PNPLA7: variants seen among roughly 807,000 people sequenced by gnomAD.
PNPLA7 encodes patatin-like phospholipase domain-containing protein 7.
Under a neutral mutation model 161.7 loss-of-function variants are expected in PNPLA7, and 153 were observed. The observed-to-expected ratio is 0.95, with a 90% confidence interval of 0.83 to 1.08. The LOEUF is 1.08. Among genes scored for constraint, PNPLA7 ranks in the 50% least tolerant of loss-of-function variants. The probability of loss-of-function intolerance (pLI) is 0.00; values close to 1 mark genes in which losing one functional copy is unlikely to be tolerated. For synonymous variants in PNPLA7, 809 were observed against 782.1 expected (o/e 1.03, Z -0.57); for missense variants, 1,739 against 1,856.6 (o/e 0.94, Z 1.16).
At chr9:137,482,889 T>C (rs1483543534) in intron 21 of PNPLA7, among the ~76,000 whole-genome samples, 1 of 152,278 alleles carries the variant, frequency 6.6e-6, no homozygotes, top group Non-Finnish European at 1.5e-5. Context: ...TGTTTTTGTT[T>C]TGACACGGAG....
chr9:137,484,740 T>G lies in PNPLA7; in HGVS notation c.2198-4A>C, dbSNP rs1195588256. On this transcript the variant is annotated splice_polypyrimidine_tract_variant and splice_region_variant and intron_variant, in intron 20 of 34. Transcript: ENST00000406427. ...GTGGGGAGCCCAAGCTGGTGGCCTG[T>G]GGAGCAAAGGACCCACGTCAGCTGG... 1.9e-6 allele frequency: 3 copies of G among 1,605,204 alleles called. No individual in the cohort carries two copies.
At chr9:137,529,744 G>A (rs1172681771) in intron 8 of PNPLA7, among the ~76,000 whole-genome samples, 1 of 141,136 alleles carries the variant, frequency 7.1e-6, no homozygotes, top group Non-Finnish European at 1.5e-5. Context: ...TGCAACCTCC[G>A]CCTCCTGGGT....
intron 20 of PNPLA7, among the ~76,000 whole-genome samples, chr9:137,489,475 C>A (rs1375689646): frequency 6.6e-6 from 1 of 152,110 alleles, no homozygotes; most frequent in Non-Finnish European, 1.5e-5. Flanking sequence ...AGGCCACATC[C>A]ATGGTGACCC....
chr9:137,530,726 CCTT>C (rs1321971278), intron 8 of PNPLA7, among the ~76,000 whole-genome samples: 3 of 152,200 alleles, frequency 2.0e-5, no homozygotes, highest in South Asian at 4.1e-4. Context: ...ATCTTAATTT[CCTT>C]CTTCTTTGAG....
intron 10 of PNPLA7, among the ~76,000 whole-genome samples, chr9:137,521,231 T>C (rs965976012): frequency 6.6e-6 from 1 of 152,186 alleles, no homozygotes; most frequent in Non-Finnish European, 1.5e-5. Context: ...TGGCTGCCGA[T>C]GTCCTACAGA....
chr9:137,504,832 G>A (rs947401339), intron 14 of PNPLA7, among the ~76,000 whole-genome samples: 4 of 152,142 alleles, frequency 2.6e-5, no homozygotes, highest in Non-Finnish European at 5.9e-5. Context: ...TGGTAATTAC[G>A]GAATTGGGTG....
chr9:137,460,265 C>A lies in PNPLA7; in HGVS notation c.*128G>T, dbSNP rs947351251. The stretch of plus-strand genomic sequence containing the variant: ...AGAGGCCCAGAGAACCCTAACACAG[C>A]CTGGGGCCCCGGGGAAGTCAGGGCT... On this transcript the variant is annotated 3_prime_UTR_variant, in exon 35 of 35. Transcript: ENST00000406427. 2.1e-6 allele frequency: 2 copies of A among 935,478 alleles called. No homozygotes were observed. The highest frequency in any genetic ancestry group is 3.2e-6 in the Non-Finnish European group (2 of 629,274). The allele number at this position is 935,478 out of a possible 1,614,324, so 57.9% of individuals were successfully genotyped here.
intron 33 of PNPLA7, 75 bp downstream of exon 33, chr9:137,461,461 T>TGGGGGGGGGCAGTGGGGGGG: frequency 8.4e-7 from 1 of 1,189,096 alleles, no homozygotes. Context: ...GCCTCTGGGG[T>TGGGGGGGGGCAGTGGGGGGG]GGGGGGGTTC....
chr9:137,484,961 C>T (rs888093162), intron 20 of PNPLA7, among the ~76,000 whole-genome samples: 81 of 152,172 alleles, frequency 5.3e-4, no homozygotes, highest in African/African-American at 1.8e-3. Flanking sequence ...CTGGACCTTG[C>T]GCCTCCCCAG....
chr9:137,484,546 A>G (rs768080927), intron 21 of PNPLA7, 41 bp downstream of exon 21: 89 of 1,546,402 alleles, frequency 5.8e-5, no homozygotes, highest in Non-Finnish European at 7.7e-5. Flanking sequence ...CACCAGGCCC[A>G]GAACCCAAGG....
intron 14 of PNPLA7, 79 bp from the exon 15 acceptor site, chr9:137,501,806 G>T: frequency 7.0e-7 from 1 of 1,422,334 alleles, no homozygotes; most frequent in Non-Finnish European, 9.7e-7. Flanking sequence ...GCACTGGGCT[G>T]TTCAGGGGCA....
In PNPLA7 at chr9:137,497,173, G is replaced by A; in HGVS notation, c.2013+14C>T. The A allele has an allele frequency of 6.5e-7, 1 of 1,543,746 alleles. No individual in the cohort carries two copies. The highest frequency in any genetic ancestry group is 1.4e-5 in the African/African-American group (1 of 71,784). On this transcript the variant is annotated intron_variant, in intron 18 of 34. Coordinates refer to ENST00000406427, the MANE Select transcript of PNPLA7 (RefSeq NM_001098537.3). ...GCAGAGGTGGGGGAGGCAGGAGCAG[G>A]GCCCAGCACCTACCACGCCGACGAG... is the stretch of plus-strand genomic sequence containing the variant.
chr9:137,478,885 G>A (rs950442700), intron 24 of PNPLA7, 171 bp downstream of exon 24: 2 of 982,568 alleles, frequency 2.0e-6, no homozygotes, highest in Non-Finnish European at 2.8e-6. Context: ...GCCACCAGAG[G>A]CCCAAAGGGC....
intron 8 of PNPLA7, among the ~76,000 whole-genome samples, chr9:137,533,042 C>T (rs1835661648): frequency 6.7e-6 from 1 of 148,980 alleles, no homozygotes; most frequent in South Asian, 2.1e-4. Context: ...CTCTCAGACT[C>T]CTCAGTGAGT....
intron 11 of PNPLA7, among the ~76,000 whole-genome samples, chr9:137,517,598 T>C (rs1342839601): frequency 1.3e-5 from 1 of 77,122 alleles, no homozygotes; most frequent in African/African-American, 4.7e-5. Flanking sequence ...CTCCACTCTG[T>C]CCACTCCATC....
rs560829785 is a variant in PNPLA7, at chr9:137,467,029, C to T, written c.3039+288G>A. ...CACAGATCAGACCGCCTCCCACCAC[C>T]GTCTCCATCACCTCAGACCCGGGCA... is the stretch of plus-strand genomic sequence containing the variant. On this transcript the variant is annotated intron_variant, in intron 26 of 34. Transcript: ENST00000406427. This position sits in a 1 kb window ranked among gnomAD's most constrained non-coding sequence, Gnocchi z 5.1. Among the ~76,000 whole-genome samples the T allele has an allele frequency of 7.3e-5, 11 of 151,382 alleles. No homozygotes were observed. Among genetic ancestry groups the T allele is most frequent in the East Asian group, 1.9e-4 (1 of 5,142 alleles).
In PNPLA7 at chr9:137,480,396, G is replaced by T; in HGVS notation, c.2496C>A (p.Leu832=). ...GCACGCAGCGCTGGGTCCAGGGTGT[G>T]AGCGTGCCATCTGCCTGGTAGAGCA... ...RIVLYQADGT[L]TPWTQRCVRQ... Residue 832 remains leucine, a synonymous_variant, in exon 23 of 35, where the codon CTC becomes CTA. Transcript: ENST00000406427. 6.2e-7 allele frequency: 1 copy of T among 1,613,614 alleles called. No individual in the cohort carries two copies. The highest frequency in any genetic ancestry group is 8.5e-7 in the Non-Finnish European group (1 of 1,179,948).
At chr9:137,491,119 C>T (rs773718171) in intron 20 of PNPLA7, among the ~76,000 whole-genome samples, 1 of 152,014 alleles carries the variant, frequency 6.6e-6, no homozygotes, top group African/African-American at 2.4e-5. Context: ...AAAAGCTGGG[C>T]GCAGAGGCTC....
intron 23 of PNPLA7, chr9:137,479,601 G>A: frequency 2.0e-6 from 2 of 985,480 alleles, no homozygotes; most frequent in Non-Finnish European, 2.4e-6. Flanking sequence ...TCAGAGAGGA[G>A]GAATTTTTAG....
Sources: gnomAD v4.1 joint callset for allele counts (sites outside exome capture counted in the v4.1 genomes callset) on GRCh38, gnomAD v4.1.1 for gene constraint, Gnocchi (gnomAD v3.1) non-coding constraint, MANE v1.5 for transcripts, NCBI Gene and HGNC (gene_info 2026-07-23, HGNC 2026-07-21) for gene names.